Variants in EXOC6B observed in about 807,000 individuals in gnomAD.
The protein encoded by EXOC6B is exocyst complex component 6B, also known as SEC15 homolog B.
In EXOC6B, 54 loss-of-function variants were observed where a neutral mutation model predicts 113.5. That is an observed-to-expected ratio of 0.48 (90% CI 0.38 to 0.60). The LOEUF (loss-of-function observed/expected upper bound fraction) is 0.60. Among genes scored for constraint, EXOC6B ranks in the 20% least tolerant of loss-of-function variants. EXOC6B has a pLI of 0.00. For missense variants in EXOC6B, 797 were observed against 977.5 expected, an observed-to-expected ratio of 0.82 and a Z score of 2.46; for synonymous variants, 357 against 339.0, an observed-to-expected ratio of 1.05 and a Z score of -0.58.
chr2:72,522,621 GTT>G (rs1701552975), intron 8 of EXOC6B, among the ~76,000 whole-genome samples: 2 of 151,956 alleles, frequency 1.3e-5, no homozygotes, highest in Non-Finnish European at 2.9e-5. Flanking sequence ...CTCAGATCTC[GTT>G]TTGTTTTATA....
intron 1 of EXOC6B, among the ~76,000 whole-genome samples, chr2:72,766,815 G>A (rs1344113319): frequency 6.6e-6 from 1 of 151,724 alleles, no homozygotes; most frequent in Admixed American, 6.6e-5. Flanking sequence ...TCAGCCGGGC[G>A]TAGTGGTGCG....
At chr2:72,625,261 G>GTA (rs1368805374) in intron 6 of EXOC6B, among the ~76,000 whole-genome samples, 4 of 150,540 alleles carry the variant, frequency 2.7e-5, no homozygotes, top group South Asian at 2.1e-4. Context: ...ATGTATATGT[G>GTA]TATATATATA....
chr2:72,192,245 A>G (rs1466622061), intron 20 of EXOC6B, among the ~76,000 whole-genome samples: 1 of 152,194 alleles, frequency 6.6e-6, no homozygotes, highest in Non-Finnish European at 1.5e-5. Flanking sequence ...CAGCAAAGAC[A>G]TGGCACATGG....
rs1421977785 is a variant in EXOC6B, at chr2:72,596,564, AAAGG to A, written c.670-20900_670-20897del. ...TCCCTCTAGTCTTCCTTTCTTACAT[AAAGG>A]AAGAAAAACATAAAGGAAGAAAAAA... On this transcript the variant is annotated intron_variant, in intron 6 of 21. Transcript: ENST00000272427. Among the ~76,000 whole-genome samples the A allele has an allele frequency of 2.6e-5, 4 of 152,012 alleles. No homozygotes were observed. In the East Asian group the frequency reaches 7.7e-4, roughly 29 times the overall value.
chr2:72,516,069 G>A (rs369554762), intron 8 of EXOC6B, among the ~76,000 whole-genome samples: 1 of 152,040 alleles, frequency 6.6e-6, no homozygotes, highest in African/African-American at 2.4e-5. Context: ...GAGAGAAAAT[G>A]GCCCTTATCA....
chr2:72,601,027 G>C (rs1264806584), intron 6 of EXOC6B, among the ~76,000 whole-genome samples: 1 of 151,562 alleles, frequency 6.6e-6, no homozygotes, highest in East Asian at 1.9e-4. Context: ...ATATAAAGAT[G>C]TTTAACGTCA....
intron 20 of EXOC6B, among the ~76,000 whole-genome samples, chr2:72,294,631 T>A (rs1008153968): frequency 6.6e-6 from 1 of 152,146 alleles, no homozygotes; most frequent in African/African-American, 2.4e-5. Flanking sequence ...TAATGAGGAT[T>A]CTTGGTCTTG....
intron 20 of EXOC6B, among the ~76,000 whole-genome samples, chr2:72,232,363 A>G (rs975776734): frequency 3.3e-5 from 5 of 152,198 alleles, no homozygotes; most frequent in Non-Finnish European, 7.4e-5. Context: ...TGTATTATAC[A>G]TGGGAGTAAA....
chr2:72,514,952 C>A, intron 9 of EXOC6B, 91 bp downstream of exon 9: 2 of 997,672 alleles, frequency 2.0e-6, no homozygotes, highest in South Asian at 1.5e-5. Context: ...CACACACACA[C>A]AGACACACAC....
At chr2:72,567,266 T>A (rs1704237276) in intron 7 of EXOC6B, among the ~76,000 whole-genome samples, 1 of 152,046 alleles carries the variant, frequency 6.6e-6, no homozygotes, top group Non-Finnish European at 1.5e-5. Flanking sequence ...CTATACAGAT[T>A]TAGTGGGATA....
intron 1 of EXOC6B, among the ~76,000 whole-genome samples, chr2:72,758,032 G>T (rs528046323): frequency 1.3e-5 from 2 of 151,912 alleles, no homozygotes; most frequent in Non-Finnish European, 2.9e-5. Context: ...GCATGGTGGT[G>T]TGTGCCTGTG....
chr2:72,227,750 A>C (rs6724795), intron 20 of EXOC6B, among the ~76,000 whole-genome samples: 29,594 of 152,146 alleles, frequency 0.19, 4,497 homozygotes, highest in African/African-American at 0.42. Flanking sequence ...TCACTGAAAT[A>C]AAATTATAAA....
At chr2:72,497,752 G>C (rs1219495545) in intron 13 of EXOC6B, among the ~76,000 whole-genome samples, 1 of 152,166 alleles carries the variant, frequency 6.6e-6, no homozygotes. Flanking sequence ...AAACTGATCA[G>C]GGAAAGGGGT....
intron 20 of EXOC6B, among the ~76,000 whole-genome samples, chr2:72,243,198 A>G (rs1682434300): frequency 6.6e-6 from 1 of 152,192 alleles, no homozygotes; most frequent in South Asian, 2.1e-4. Context: ...TTCATCAAGG[A>G]TCTAGAACTA....
chr2:72,709,067 A>T (rs1344208465), intron 6 of EXOC6B, among the ~76,000 whole-genome samples: 4 of 151,698 alleles, frequency 2.6e-5, no homozygotes, highest in African/African-American at 9.7e-5. Flanking sequence ...AAAAAAAAAA[A>T]CTACTTTAGG....
chr2:72,573,004 A>G (rs1704609407), intron 7 of EXOC6B, among the ~76,000 whole-genome samples: 1 of 152,206 alleles, frequency 6.6e-6, no homozygotes, highest in Admixed American at 6.5e-5. Flanking sequence ...ACATTCTTAC[A>G]GTACTACTTT....
At chr2:72,282,171 C>T (rs1037662208) in intron 20 of EXOC6B, among the ~76,000 whole-genome samples, 1 of 151,824 alleles carries the variant, frequency 6.6e-6, no homozygotes, top group African/African-American at 2.4e-5. Flanking sequence ...ATATGAAAAG[C>T]AACAAAAGGG....
At chr2:72,532,758 A>T (rs113211543) in intron 8 of EXOC6B, among the ~76,000 whole-genome samples, 2 of 152,056 alleles carry the variant, frequency 1.3e-5, no homozygotes, top group African/African-American at 4.8e-5. Flanking sequence ...CAGTGAGCCG[A>T]TATTGCGCCA....
intron 1 of EXOC6B, among the ~76,000 whole-genome samples, chr2:72,765,630 G>A (rs1186924926): frequency 6.6e-6 from 1 of 152,042 alleles, no homozygotes; most frequent in African/African-American, 2.4e-5. Flanking sequence ...CCGAGATTGC[G>A]CCATTGCACT....
Sources: allele counts gnomAD v4.1 joint callset (sites outside exome capture counted in the v4.1 genomes callset), GRCh38; gene constraint gnomAD v4.1.1; transcripts MANE v1.5; gene names NCBI Gene and HGNC (gene_info 2026-07-23, HGNC 2026-07-21).